NALF1: variants seen among roughly 807,000 people sequenced by gnomAD.
NALF1 encodes family with sequence similarity 155 member A.
A neutral mutation model predicts 48.4 loss-of-function variants in NALF1; 3 were observed. That is an observed-to-expected ratio of 0.06 (90% CI 0.03 to 0.16). NALF1 has a LOEUF of 0.16. Ranked by LOEUF, NALF1 falls within the 10% of genes least tolerant of loss-of-function variation. The pLI, the probability that NALF1 is intolerant of heterozygous loss-of-function variation, is 1.00. For missense variants in NALF1, 526 were observed against 571.5 expected, an observed-to-expected ratio of 0.92 and a Z score of 0.81; for synonymous variants, 262 against 245.7, an observed-to-expected ratio of 1.07 and a Z score of -0.62.
intron 1 of NALF1, among the ~76,000 whole-genome samples, chr13:107,492,042 GTT>G (rs71204833): frequency 1.0e-5 from 1 of 99,258 alleles, no homozygotes. Flanking sequence ...GTTTTTTTTT[GTT>G]TTTTTTTTTT....
chr13:107,403,946 G>A (rs941789370), intron 1 of NALF1, among the ~76,000 whole-genome samples: 7 of 152,034 alleles, frequency 4.6e-5, no homozygotes, highest in African/African-American at 1.2e-4. Flanking sequence ...GACATAAAAC[G>A]AAGCCTGATA....
intron 1 of NALF1, among the ~76,000 whole-genome samples, chr13:107,821,939 T>C (rs1182535426): frequency 6.6e-6 from 1 of 152,166 alleles, no homozygotes; most frequent in African/African-American, 2.4e-5. Context: ...TGGCACAATA[T>C]AATCCCCAAA....
chr13:107,580,742 T>C (rs959857625), intron 1 of NALF1, among the ~76,000 whole-genome samples: 1 of 152,208 alleles, frequency 6.6e-6, no homozygotes, highest in Non-Finnish European at 1.5e-5. Flanking sequence ...CTTAAAACTT[T>C]GGAGAATCAT....
At chr13:107,435,912 C>T (rs1884456883) in intron 1 of NALF1, among the ~76,000 whole-genome samples, 2 of 152,140 alleles carry the variant, frequency 1.3e-5, no homozygotes, top group Admixed American at 1.3e-4. Flanking sequence ...TTTCTCATTG[C>T]TATGAATACC....
At chr13:107,505,600 C>G (rs533282403) in intron 1 of NALF1, among the ~76,000 whole-genome samples, 3 of 151,996 alleles carry the variant, frequency 2.0e-5, no homozygotes, top group Non-Finnish European at 2.9e-5. Flanking sequence ...GCCTGACAAC[C>G]GGGAATGAGG....
At chr13:107,433,908 T>C (rs1884423093) in intron 1 of NALF1, among the ~76,000 whole-genome samples, 1 of 152,144 alleles carries the variant, frequency 6.6e-6, no homozygotes, top group Admixed American at 6.5e-5. Flanking sequence ...AGCTGGTAGA[T>C]TGCTGTGTGT....
At chr13:107,610,463 T>C (rs905075774) in intron 1 of NALF1, among the ~76,000 whole-genome samples, 16 of 152,164 alleles carry the variant, frequency 1.1e-4, no homozygotes, top group African/African-American at 2.4e-5. Context: ...AAAAAGACAG[T>C]ATGATACAGT....
intron 1 of NALF1, among the ~76,000 whole-genome samples, chr13:107,454,923 T>C (rs1884799950): frequency 6.6e-6 from 1 of 152,190 alleles, no homozygotes; most frequent in African/African-American, 2.4e-5. Flanking sequence ...TCTTTAAGTA[T>C]GAAAATGAAA....
chr13:107,851,345 T>C, intron 1 of NALF1, among the ~76,000 whole-genome samples: 1 of 151,906 alleles, frequency 6.6e-6, no homozygotes, highest in South Asian at 2.1e-4. Context: ...TGAACAGTTT[T>C]TTTTTTTTTT....
chr13:107,451,509 C>A (rs1315217197), intron 1 of NALF1, among the ~76,000 whole-genome samples: 3 of 152,150 alleles, frequency 2.0e-5, no homozygotes, highest in Non-Finnish European at 4.4e-5. Context: ...TATGAAATAA[C>A]AGGGCACCGT....
At chr13:107,483,154 A>G (rs1885279374) in intron 1 of NALF1, among the ~76,000 whole-genome samples, 1 of 152,212 alleles carries the variant, frequency 6.6e-6, no homozygotes, top group Non-Finnish European at 1.5e-5. Flanking sequence ...ATGCCTGCAC[A>G]TAGGAAGAAA....
At chr13:107,380,841 A>G (rs909269277) in intron 1 of NALF1, among the ~76,000 whole-genome samples, 1 of 150,890 alleles carries the variant, frequency 6.6e-6, no homozygotes, top group Non-Finnish European at 1.5e-5. Context: ...AGCCGGGCGT[A>G]GTGGCGGGCG....
chr13:107,451,748 C>T (rs1381818484), intron 1 of NALF1, among the ~76,000 whole-genome samples: 2 of 152,172 alleles, frequency 1.3e-5, no homozygotes, highest in African/African-American at 2.4e-5. Flanking sequence ...GCACATCGCT[C>T]TATCCAATTT....
chr13:107,352,648 T>A (rs924421556), intron 1 of NALF1, among the ~76,000 whole-genome samples: 2 of 152,204 alleles, frequency 1.3e-5, no homozygotes, highest in African/African-American at 4.8e-5. Flanking sequence ...TTTACCCTCA[T>A]GACCTAATCA....
chr13:107,547,042 T>A (rs1877153629), intron 1 of NALF1, among the ~76,000 whole-genome samples: 1 of 152,234 alleles, frequency 6.6e-6, no homozygotes, highest in South Asian at 2.1e-4. Flanking sequence ...ATAGTTTTGT[T>A]ATGAAAATTA....
intron 1 of NALF1, among the ~76,000 whole-genome samples, chr13:107,586,800 G>A (rs1807002391): frequency 6.6e-6 from 1 of 151,434 alleles, no homozygotes; most frequent in Admixed American, 6.6e-5. Flanking sequence ...TGGGCTCTAA[G>A]ATTCACGTAC....
chr13:107,467,797 T>C (rs1885028606), intron 1 of NALF1, among the ~76,000 whole-genome samples: 1 of 152,118 alleles, frequency 6.6e-6, no homozygotes, highest in African/African-American at 2.4e-5. Context: ...TCCCGGCACT[T>C]TGGGAGACCG....
At chr13:107,861,715 T>C (rs145187452) in intron 1 of NALF1, among the ~76,000 whole-genome samples, 3,499 of 152,138 alleles carry the variant, frequency 0.023, 58 homozygotes, top group Non-Finnish European at 0.035. Context: ...ACCCGGGAGG[T>C]GGAAGTTGAA....
intron 1 of NALF1, among the ~76,000 whole-genome samples, chr13:107,415,827 T>C (rs1884075100): frequency 6.6e-6 from 1 of 152,140 alleles, no homozygotes; most frequent in Non-Finnish European, 1.5e-5. Context: ...CTTTAATAGG[T>C]TTTCCATTTT....
Sources: allele counts gnomAD v4.1 joint callset (sites outside exome capture counted in the v4.1 genomes callset), GRCh38; gene constraint gnomAD v4.1.1; transcripts MANE v1.5; gene names NCBI Gene and HGNC (gene_info 2026-07-23, HGNC 2026-07-21).